Variants in RFX3 observed in about 807,000 individuals in gnomAD.
The protein encoded by RFX3 is regulatory factor X3.
RFX3 carries 14 observed loss-of-function variants against 98.6 expected under a neutral mutation model. The ratio of observed to expected loss-of-function variants is 0.14; its 90% CI spans 0.09 to 0.22. The LOEUF (loss-of-function observed/expected upper bound fraction) is 0.22, where lower values mean the gene tolerates loss of function less well. RFX3 is among the 10% of genes least tolerant of loss of function. The pLI, the probability that RFX3 is intolerant of heterozygous loss-of-function variation, is 1.00. For synonymous variants in RFX3, 383 were observed against 328.4 expected, an observed-to-expected ratio of 1.17 and a Z score of -1.80; for missense variants, 639 against 926.9, an observed-to-expected ratio of 0.69 and a Z score of 4.03.
intron 1 of RFX3, among the ~76,000 whole-genome samples, chr9:3,506,915 T>C (rs1817155525): frequency 6.6e-6 from 1 of 151,910 alleles, no homozygotes; most frequent in South Asian, 2.1e-4. Flanking sequence ...AAAGTAAGAC[T>C]GCATTGCTTG....
chr9:3,348,828 A>G (rs964760945), intron 2 of RFX3, among the ~76,000 whole-genome samples: 1 of 152,104 alleles, frequency 6.6e-6, no homozygotes, highest in African/African-American at 2.4e-5. Context: ...TCTTCTAACT[A>G]GTTCCTATGA....
intron 1 of RFX3, among the ~76,000 whole-genome samples, chr9:3,427,186 T>G (rs1844134543): frequency 6.8e-6 from 1 of 147,110 alleles, no homozygotes. Flanking sequence ...GCACGTGCAG[T>G]AACTTATTAT....
chr9:3,440,517 G>T (rs377762110), intron 1 of RFX3, among the ~76,000 whole-genome samples: 121 of 152,040 alleles, frequency 8.0e-4, no homozygotes, highest in African/African-American at 2.7e-3. Context: ...AAATACTTAG[G>T]AATAAATCTG....
At chr9:3,490,349 A>C (rs961687599) in intron 1 of RFX3, 7 of 979,566 alleles carry the variant, frequency 7.1e-6, no homozygotes, top group Admixed American at 1.2e-4. Flanking sequence ...AAGTGGCCTA[A>C]AATATTAAAA....
At chr9:3,337,762 T>C (rs914849006) in intron 3 of RFX3, among the ~76,000 whole-genome samples, 2 of 152,208 alleles carry the variant, frequency 1.3e-5, no homozygotes, top group Non-Finnish European at 2.9e-5. Flanking sequence ...CTGGAAATTC[T>C]GTGAGTCACA....
At chr9:3,508,774 C>G in intron 1 of RFX3, among the ~76,000 whole-genome samples, 1 of 151,948 alleles carries the variant, frequency 6.6e-6, no homozygotes, top group East Asian at 1.9e-4. Context: ...TTTGTTACCA[C>G]AAATGAGGCT....
chr9:3,250,680 A>G (rs1188647390), intron 14 of RFX3, among the ~76,000 whole-genome samples: 1 of 152,182 alleles, frequency 6.6e-6, no homozygotes, highest in African/African-American at 2.4e-5. Flanking sequence ...AAGAAAGTAA[A>G]TATCATTAAA....
intron 15 of RFX3, among the ~76,000 whole-genome samples, chr9:3,233,923 C>T (rs982858345): frequency 2.6e-5 from 4 of 152,190 alleles, no homozygotes; most frequent in Non-Finnish European, 4.4e-5. Context: ...GTAAACCAGA[C>T]ATGCAGAATC....
intron 15 of RFX3, among the ~76,000 whole-genome samples, chr9:3,236,093 G>A (rs1819119964): frequency 6.6e-6 from 1 of 151,960 alleles, no homozygotes; most frequent in Admixed American, 6.6e-5. Flanking sequence ...TTTTGTTTAT[G>A]TTCCTCACTA....
chr9:3,443,996 T>G (rs1406859076), intron 1 of RFX3, among the ~76,000 whole-genome samples: 2 of 152,232 alleles, frequency 1.3e-5, no homozygotes, highest in Non-Finnish European at 2.9e-5. Flanking sequence ...GCAAACAGTC[T>G]GTGTAACAGT....
chr9:3,423,315 T>A (rs949492072), intron 1 of RFX3, among the ~76,000 whole-genome samples: 1 of 152,186 alleles, frequency 6.6e-6, no homozygotes, highest in Non-Finnish European at 1.5e-5. Flanking sequence ...ATGAAGACAT[T>A]TGTCTAAACA....
intron 1 of RFX3, among the ~76,000 whole-genome samples, chr9:3,426,439 C>T (rs560739534): frequency 1.3e-5 from 2 of 152,118 alleles, no homozygotes; most frequent in African/African-American, 4.8e-5. Flanking sequence ...GGTCCCCAAC[C>T]CCTCAACTGT....
chr9:3,424,277 A>G (rs568328581), intron 1 of RFX3, among the ~76,000 whole-genome samples: 35 of 151,424 alleles, frequency 2.3e-4, no homozygotes, highest in African/African-American at 8.5e-4. Flanking sequence ...TCTGTGAAAA[A>G]TGTTCAGTAG....
intron 5 of RFX3, among the ~76,000 whole-genome samples, chr9:3,297,296 T>C (rs1055488990): frequency 6.6e-6 from 1 of 152,086 alleles, no homozygotes; most frequent in African/African-American, 2.4e-5. Flanking sequence ...ACCATAGGAA[T>C]GATTTCAAAA....
intron 7 of RFX3, among the ~76,000 whole-genome samples, chr9:3,286,376 G>A (rs1227199536): frequency 4.0e-5 from 6 of 150,664 alleles, no homozygotes; most frequent in African/African-American, 1.5e-4. Flanking sequence ...ATTTTTCACT[G>A]GCTACACATC....
intron 1 of RFX3, among the ~76,000 whole-genome samples, chr9:3,472,289 G>C (rs910675237): frequency 1.3e-5 from 2 of 152,052 alleles, no homozygotes; most frequent in African/African-American, 4.8e-5. Flanking sequence ...ACAGACCACA[G>C]CTCAAATCCT....
intron 15 of RFX3, among the ~76,000 whole-genome samples, chr9:3,238,719 TTC>T (rs2130821461): frequency 6.6e-6 from 1 of 152,268 alleles, no homozygotes; most frequent in South Asian, 2.1e-4. Flanking sequence ...GTGATTTCAA[TTC>T]TATTAACGTT....
intron 9 of RFX3, 104 bp from the exon 10 acceptor site, chr9:3,271,222 G>A: frequency 1.1e-6 from 1 of 914,282 alleles, no homozygotes; most frequent in Non-Finnish European, 1.7e-6. Flanking sequence ...TTCTCCCTTG[G>A]GGTCATAAGT....
intron 2 of RFX3, among the ~76,000 whole-genome samples, chr9:3,377,145 G>A (rs972003613): frequency 1.4e-3 from 210 of 152,280 alleles, no homozygotes; most frequent in Non-Finnish European, 2.5e-3. Context: ...ACATGCACAC[G>A]TATGTTTATT....
Sources: allele counts gnomAD v4.1 joint callset (sites outside exome capture counted in the v4.1 genomes callset), GRCh38; gene constraint gnomAD v4.1.1; transcripts MANE v1.5; gene names NCBI Gene and HGNC (gene_info 2026-07-23, HGNC 2026-07-21).